IQCM: variants seen among roughly 807,000 people sequenced by gnomAD.
IQCM encodes the protein IQ domain-containing protein M.
A neutral mutation model predicts 57.6 loss-of-function variants in IQCM; 45 were observed. The ratio of observed to expected loss-of-function variants is 0.78; its 90% confidence interval spans 0.62 to 1.00. The LOEUF (loss-of-function observed/expected upper bound fraction) is 1.00, where lower values mean the gene tolerates loss of function less well. Ranked by LOEUF, IQCM falls within the 50% of genes least tolerant of loss-of-function variation. IQCM has a pLI of 0.00. For synonymous variants in IQCM, 148 were observed against 158.9 expected (o/e 0.93, Z 0.51); for missense variants, 468 against 511.6 (o/e 0.91, Z 0.82).
chr4:149,370,368 G>T (rs1730277925), intron 13 of IQCM, among the ~76,000 whole-genome samples: 1 of 152,026 alleles, frequency 6.6e-6, no homozygotes, highest in Admixed American at 6.6e-5. Flanking sequence ...ATTAGTATAG[G>T]AATTTAAAGA....
intron 7 of IQCM, among the ~76,000 whole-genome samples, chr4:149,634,868 C>A (rs927741831): frequency 6.6e-6 from 1 of 152,046 alleles, no homozygotes; most frequent in African/African-American, 2.4e-5. Context: ...GAATGGATAT[C>A]AAAGAATTTG....
At chr4:149,646,594 T>C (rs1009159173) in intron 7 of IQCM, among the ~76,000 whole-genome samples, 1 of 152,226 alleles carries the variant, frequency 6.6e-6, no homozygotes, top group Admixed American at 6.5e-5. Context: ...CTATATCCTA[T>C]GTTTTAAACA....
At chr4:149,470,601 C>T (rs1324674277) in intron 12 of IQCM, among the ~76,000 whole-genome samples, 1 of 152,174 alleles carries the variant, frequency 6.6e-6, no homozygotes, top group Non-Finnish European at 1.5e-5. Context: ...AGGAATTGAA[C>T]TCAGCTCTGC....
chr4:149,643,111 A>G (rs1193086294), intron 7 of IQCM, among the ~76,000 whole-genome samples: 1 of 152,188 alleles, frequency 6.6e-6, no homozygotes, highest in Non-Finnish European at 1.5e-5. Context: ...AACCAGACAT[A>G]GGAACAACAA....
intron 9 of IQCM, among the ~76,000 whole-genome samples, chr4:149,579,755 T>A (rs1171773109): frequency 2.0e-5 from 3 of 151,940 alleles, no homozygotes. Flanking sequence ...AAATAACACT[T>A]GACTTGGAGG....
intron 13 of IQCM, among the ~76,000 whole-genome samples, chr4:149,374,446 C>A (rs1409596744): frequency 6.6e-6 from 1 of 151,992 alleles, no homozygotes; most frequent in Non-Finnish European, 1.5e-5. Flanking sequence ...CCATGAATTT[C>A]AGTCAATCTT....
At chr4:149,549,050 C>A (rs916130287) in intron 11 of IQCM, among the ~76,000 whole-genome samples, 1 of 152,092 alleles carries the variant, frequency 6.6e-6, no homozygotes, top group African/African-American at 2.4e-5. Context: ...CTAAAGTTGG[C>A]CCCTAATTGG....
chr4:149,685,020 G>T (rs1055378040), intron 6 of IQCM, among the ~76,000 whole-genome samples: 1 of 151,370 alleles, frequency 6.6e-6, no homozygotes, highest in African/African-American at 2.4e-5. Context: ...GGGTGTCAAG[G>T]GACCTTTATC....
chr4:149,663,640 A>G (rs933332420), intron 7 of IQCM, among the ~76,000 whole-genome samples: 4 of 149,886 alleles, frequency 2.7e-5, no homozygotes, highest in Non-Finnish European at 4.5e-5. Context: ...TCTTTTTTTT[A>G]GTATGTTGAA....
chr4:149,411,165 T>A (rs1303477852), intron 13 of IQCM, among the ~76,000 whole-genome samples: 1 of 152,144 alleles, frequency 6.6e-6, no homozygotes, highest in Non-Finnish European at 1.5e-5. Context: ...AACTCAGGTA[T>A]CCTCAATACT....
At chr4:149,485,047 C>T (rs1045905928) in intron 12 of IQCM, among the ~76,000 whole-genome samples, 1 of 152,044 alleles carries the variant, frequency 6.6e-6, no homozygotes, top group Non-Finnish European at 1.5e-5. Context: ...CTCTCCTGGC[C>T]TGTAAGTTTT....
intron 12 of IQCM, among the ~76,000 whole-genome samples, chr4:149,506,480 T>C (rs1483204040): frequency 6.6e-6 from 1 of 152,188 alleles, no homozygotes; most frequent in East Asian, 1.9e-4. Context: ...TGTCAAGTGA[T>C]ACTATCATTG....
At chr4:149,752,687 G>A (rs1190576784) in intron 2 of IQCM, among the ~76,000 whole-genome samples, 3 of 152,212 alleles carry the variant, frequency 2.0e-5, no homozygotes, top group African/African-American at 4.8e-5. Context: ...GACTGAAGCT[G>A]TGGATGCTGT....
intron 12 of IQCM, among the ~76,000 whole-genome samples, chr4:149,495,768 A>G (rs1266562430): frequency 6.6e-6 from 1 of 152,146 alleles, no homozygotes; most frequent in Non-Finnish European, 1.5e-5. Context: ...AAGGTAACTC[A>G]GTTAGAGAAG....
chr4:149,607,290 C>A (rs1754874242), intron 8 of IQCM, among the ~76,000 whole-genome samples: 1 of 152,014 alleles, frequency 6.6e-6, no homozygotes, highest in African/African-American at 2.4e-5. Flanking sequence ...GAATGTTATA[C>A]CCTGTAAAAT....
At chr4:149,789,712 G>T (rs913058796) in intron 2 of IQCM, among the ~76,000 whole-genome samples, 2 of 151,836 alleles carry the variant, frequency 1.3e-5, no homozygotes, top group Non-Finnish European at 2.9e-5. Flanking sequence ...GGCAGAGGTT[G>T]CAATAAGCTG....
chr4:149,674,421 T>C (rs1761574651), intron 7 of IQCM, among the ~76,000 whole-genome samples: 1 of 152,144 alleles, frequency 6.6e-6, no homozygotes, highest in African/African-American at 2.4e-5. Flanking sequence ...GATTATATTC[T>C]AGCAGGAGGA....
intron 12 of IQCM, among the ~76,000 whole-genome samples, chr4:149,482,955 G>A (rs1741075688): frequency 6.6e-6 from 1 of 151,544 alleles, no homozygotes; most frequent in Non-Finnish European, 1.5e-5. Flanking sequence ...ACTTCCTATT[G>A]GTCTGTTCAG....
chr4:149,785,779 G>C (rs1355580436), intron 2 of IQCM, among the ~76,000 whole-genome samples: 2 of 150,990 alleles, frequency 1.3e-5, no homozygotes, highest in East Asian at 3.9e-4. Context: ...AATCTCTGTT[G>C]CTTATTATTC....
Sources: allele counts gnomAD v4.1 joint callset (sites outside exome capture counted in the v4.1 genomes callset), GRCh38; gene constraint gnomAD v4.1.1; transcripts MANE v1.5; gene names NCBI Gene and HGNC (gene_info 2026-07-23, HGNC 2026-07-21).